KCNAB1: variants seen among roughly 807,000 people sequenced by gnomAD.
KCNAB1 encodes voltage-gated potassium channel subunit beta-1.
A neutral mutation model predicts 64.6 loss-of-function variants in KCNAB1; 35 were observed. That is an observed-to-expected ratio of 0.54 (90% confidence interval 0.41 to 0.72). KCNAB1 has a LOEUF of 0.72. KCNAB1 is among the 30% of genes least tolerant of loss of function. KCNAB1 has a pLI of 0.00. For synonymous variants in KCNAB1, 177 were observed against 183.8 expected (o/e 0.96, Z 0.30); for missense variants, 401 against 512.9 (o/e 0.78, Z 2.11).
intron 1 of KCNAB1, among the ~76,000 whole-genome samples, chr3:156,132,002 T>G (rs982412647): frequency 2.6e-5 from 4 of 152,188 alleles, no homozygotes; most frequent in Non-Finnish European, 5.9e-5. Flanking sequence ...ATGACCACAT[T>G]CAACTGCAAA....
intron 1 of KCNAB1, among the ~76,000 whole-genome samples, chr3:156,158,627 A>G (rs1456607029): frequency 1.3e-5 from 2 of 152,226 alleles, no homozygotes; most frequent in African/African-American, 4.8e-5. Context: ...AGAGGTAGGG[A>G]AAAATTTCAG....
chr3:156,126,173 C>T (rs1713643375), intron 1 of KCNAB1, among the ~76,000 whole-genome samples: 2 of 152,216 alleles, frequency 1.3e-5, no homozygotes, highest in South Asian at 4.2e-4. Flanking sequence ...TGCTTCTGTT[C>T]ATGAGGCTAC....
intron 8 of KCNAB1, among the ~76,000 whole-genome samples, chr3:156,483,823 A>T (rs1265417519): frequency 6.6e-6 from 1 of 152,146 alleles, no homozygotes; most frequent in Non-Finnish European, 1.5e-5. Context: ...ATATGCATCT[A>T]TAAGAACAGA....
At chr3:156,120,498 T>G, upstream of KCNAB1, 2 of 1,178,718 alleles carry the variant, frequency 1.7e-6, no homozygotes, top group Admixed American at 2.0e-5. Flanking sequence ...TGTGGCAGGA[T>G]AAGGTTAAGA....
chr3:156,172,586 C>T (rs948460700), intron 1 of KCNAB1, among the ~76,000 whole-genome samples: 12 of 152,020 alleles, frequency 7.9e-5, no homozygotes, highest in Admixed American at 5.9e-4. Context: ...GGCTATCAAA[C>T]GGCATTTTAA....
chr3:156,369,592 A>T (rs1560221495), intron 1 of KCNAB1, among the ~76,000 whole-genome samples: 1 of 152,254 alleles, frequency 6.6e-6, no homozygotes, highest in Non-Finnish European at 1.5e-5. Flanking sequence ...GAAAAAAGGA[A>T]GGAACTGCTA....
rs1324838525 is a variant in KCNAB1, at chr3:156,353,727, G to A, written c.276-67889G>A. ...TTCCCTGCCACATGGGCCTCTCTAG[G>A]GAGCAGTTCACAACAGGGAGGCTGG... On this transcript the variant is annotated intron_variant, in intron 1 of 13. Coordinates refer to ENST00000490337, the MANE Select transcript of KCNAB1 (RefSeq NM_172160.3). Among the ~76,000 whole-genome samples, 4 of 152,324 alleles carry A rather than the reference G, an allele frequency of 2.6e-5. No individual in the cohort carries two copies. In the East Asian group the frequency reaches 7.7e-4, roughly 29 times the overall value.
intron 1 of KCNAB1, among the ~76,000 whole-genome samples, chr3:156,389,782 G>C (rs79656044): frequency 0.014 from 2,106 of 152,288 alleles, 54 homozygotes; most frequent in African/African-American, 0.048. Flanking sequence ...TGCACTTGGG[G>C]AAATGGTTAT....
intron 7 of KCNAB1, among the ~76,000 whole-genome samples, chr3:156,470,617 C>CA (rs1358991776): frequency 6.6e-6 from 1 of 152,192 alleles, no homozygotes; most frequent in Non-Finnish European, 1.5e-5. Context: ...TTCCAACAGC[C>CA]AAAAGCTGTG....
At chr3:156,284,512 GCTGCTTTGTTTACCTAATCAAGC>G (rs1719967980) in intron 1 of KCNAB1, among the ~76,000 whole-genome samples, 1 of 152,220 alleles carries the variant, frequency 6.6e-6, no homozygotes, top group Admixed American at 6.5e-5. Context: ...GAGCTTCCAG[GCTGCTTTGTTTACCTAATCAAGC>G]CTGGGCAATG....
chr3:156,177,595 T>A (rs1164154671), intron 1 of KCNAB1, among the ~76,000 whole-genome samples: 1 of 152,032 alleles, frequency 6.6e-6, no homozygotes, highest in Non-Finnish European at 1.5e-5. Context: ...GCCAGGATGG[T>A]CTCGATCTCC....
At chr3:156,403,608 AG>A (rs1319577210) in intron 1 of KCNAB1, among the ~76,000 whole-genome samples, 1 of 152,186 alleles carries the variant, frequency 6.6e-6, no homozygotes. Context: ...TAAAACAAAA[AG>A]GGGAGCTGGG....
intron 1 of KCNAB1, among the ~76,000 whole-genome samples, chr3:156,181,260 A>C (rs1445349956): frequency 6.6e-6 from 1 of 152,164 alleles, no homozygotes; most frequent in East Asian, 1.9e-4. Flanking sequence ...TGGGTAAACT[A>C]TCAAGAGAGG....
At chr3:156,241,266 T>C (rs1206933869) in intron 1 of KCNAB1, among the ~76,000 whole-genome samples, 1 of 152,242 alleles carries the variant, frequency 6.6e-6, no homozygotes, top group Admixed American at 6.5e-5. Context: ...CTTTCCTTAG[T>C]GTTCTTGATA....
chr3:156,253,452 G>T (rs1717943516), intron 1 of KCNAB1, among the ~76,000 whole-genome samples: 4 of 152,178 alleles, frequency 2.6e-5, no homozygotes, highest in Admixed American at 1.3e-4. Flanking sequence ...AGGGCTGAGT[G>T]CTATTAATCA....
intron 1 of KCNAB1, among the ~76,000 whole-genome samples, chr3:156,122,145 G>T (rs1341850412): frequency 6.6e-6 from 1 of 150,738 alleles, no homozygotes; most frequent in African/African-American, 2.4e-5. Flanking sequence ...ATATGCTGTT[G>T]GGCCCACATT....
At position 156,207,281 on chromosome 3, in the gene KCNAB1, T is replaced by C. The variant is rs557834641; in HGVS notation, c.275+86395T>C. ...TGTGGTTGGGGTATTTATGTCCCCA[T>C]TGGGTATTTATACTCTCCTTGCAGG... is the stretch of plus-strand genomic sequence containing the variant. On this transcript the variant is annotated intron_variant, in intron 1 of 13. Transcript: ENST00000490337. 3.9e-5 allele frequency among the ~76,000 whole-genome samples: 6 copies of C among 152,308 alleles called. No homozygotes were observed. In the East Asian group the frequency reaches 7.7e-4, roughly 20 times the overall value.
intron 1 of KCNAB1, among the ~76,000 whole-genome samples, chr3:156,252,779 G>A (rs1474976043): frequency 6.6e-6 from 1 of 152,168 alleles, no homozygotes; most frequent in Admixed American, 6.5e-5. Context: ...CAGTGCAGGA[G>A]CTTACACGGG....
chr3:156,428,534 C>CACA (rs3219955), intron 2 of KCNAB1, among the ~76,000 whole-genome samples: 1 of 146,206 alleles, frequency 6.8e-6, no homozygotes, highest in African/African-American at 2.6e-5. Context: ...CACACACACA[C>CACA]CCTATTGGTT....
Sources: gnomAD v4.1 joint callset for allele counts (sites outside exome capture counted in the v4.1 genomes callset) on GRCh38, gnomAD v4.1.1 for gene constraint, MANE v1.5 for transcripts, NCBI Gene and HGNC (gene_info 2026-07-23, HGNC 2026-07-21) for gene names.